Variants in ZMYM1 observed in about 807,000 individuals in gnomAD.
ZMYM1 encodes zinc finger MYM-type containing 1.
ZMYM1 carries 39 observed loss-of-function variants against 60.0 expected under a neutral mutation model. That is an observed-to-expected ratio of 0.65 (90% CI 0.50 to 0.85). The LOEUF (loss-of-function observed/expected upper bound fraction) is 0.85. ZMYM1 is among the 40% of genes least tolerant of loss of function. The pLI, the probability that ZMYM1 is intolerant of heterozygous loss-of-function variation, is 0.00. For missense variants in ZMYM1, 1,171 were observed against 1,309.5 expected, an observed-to-expected ratio of 0.89 and a Z score of 1.63; for synonymous variants, 413 against 454.0, an observed-to-expected ratio of 0.91 and a Z score of 1.15.
chr1:35,113,955 G>C lies in ZMYM1; in HGVS notation c.2125G>C (p.Asp709His), dbSNP rs375370629. The change falls in exon 10 of 10, where the codon GAT becomes CAT. Residue 709 changes from aspartate (D) to histidine (H), a missense_variant. Coordinates refer to ENST00000359858, the MANE Select transcript of ZMYM1 (RefSeq NM_024772.5). ...TCTGCAGCAAATTGGAGTTGATATG[G>C]ATAAAATACATGGCCAGGCCTATGA... ...TYLQQIGVDM[D>H]KIHGQAYDST... is the part of the protein sequence containing the mutation. The C allele has an allele frequency of 3.1e-6, 5 of 1,613,732 alleles. No individual in the cohort carries two copies. In the African/African-American group the frequency reaches 6.7e-5, roughly 22 times the overall value.
intron 9 of ZMYM1, 105 bp from the exon 10 acceptor site, chr1:35,112,872 T>G: frequency 1.9e-6 from 2 of 1,068,140 alleles, no homozygotes; most frequent in Non-Finnish European, 2.5e-6. Flanking sequence ...GAGCTCATAC[T>G]GTAACTCAGC....
intron 1 of ZMYM1, among the ~76,000 whole-genome samples, chr1:35,064,775 C>CTCCCGGGT (rs1368420575): frequency 6.7e-6 from 1 of 149,946 alleles, no homozygotes; most frequent in Admixed American, 6.6e-5. Flanking sequence ...CAAGCTCCAC[C>CTCCCGGGT]TCCCGGGTTC....
intron 7 of ZMYM1, among the ~76,000 whole-genome samples, chr1:35,110,697 A>T (rs924939031): frequency 1.3e-5 from 2 of 152,058 alleles, no homozygotes; most frequent in African/African-American, 4.8e-5. Context: ...TTGGGAGGCC[A>T]AAGTGGGCAG....
intron 6 of ZMYM1, 73 bp downstream of exon 6, chr1:35,104,842 G>A: frequency 8.0e-7 from 1 of 1,245,942 alleles, no homozygotes; most frequent in South Asian, 1.3e-5. Context: ...AATGTGGGAA[G>A]TAGTTTTTGG....
intron 1 of ZMYM1, among the ~76,000 whole-genome samples, chr1:35,091,577 G>A (rs1643004885): frequency 6.6e-6 from 1 of 152,046 alleles, no homozygotes; most frequent in Non-Finnish European, 1.5e-5. Context: ...GGGAAAAACA[G>A]CCCATAGGTG....
Position 35,060,882 on chromosome 1 carries a change from A to T in ZMYM1, c.-301+957A>T, listed in dbSNP as rs146526990. ...AAGGAGACTGGCCCTGGTGCTTGAA[A>T]CTCCTGTCCTAGCTCACACAGAGAG... is the stretch of plus-strand genomic sequence containing the variant. On this transcript the variant is annotated intron_variant, in intron 1 of 10. Transcript: ENST00000417119. Among the ~76,000 whole-genome samples the T allele has an allele frequency of 7.5e-3, 1,135 of 151,286 alleles. 7 individuals carry two copies. Among genetic ancestry groups the T allele is most frequent in the Middle Eastern group, 0.034 (10 of 294 alleles).
chr1:35,072,214 C>T lies in ZMYM1; in HGVS notation c.-300-6780C>T, dbSNP rs570564483. Among the ~76,000 whole-genome samples, 373 of 152,260 alleles carry T rather than the reference C, an allele frequency of 2.4e-3. 2 individuals carry two copies. Among genetic ancestry groups the T allele is most frequent in the Middle Eastern group, 6.8e-3 (2 of 292 alleles). On this transcript the variant is annotated intron_variant, in intron 1 of 10. Transcript: ENST00000417119. ...TTATGTTTTGGAGTTTTTTTGATGGCAGACTTTTTATTACAGTTTCAATTT... is the reference window on the plus strand; with the variant it reads ...TTATGTTTTGGAGTTTTTTTGATGGTAGACTTTTTATTACAGTTTCAATTT...
intron 1 of ZMYM1, among the ~76,000 whole-genome samples, chr1:35,072,082 C>T (rs1053790127): frequency 2.0e-5 from 3 of 151,998 alleles, no homozygotes; most frequent in Non-Finnish European, 2.9e-5. Flanking sequence ...TGCAGTGAGC[C>T]GAGATCACGC....
intron 9 of ZMYM1, 142 bp from the exon 10 acceptor site, chr1:35,112,835 C>A (rs535736026): frequency 8.8e-4 from 570 of 647,478 alleles, no homozygotes; most frequent in Non-Finnish European, 1.1e-3. Context: ...ATAAGTTATA[C>A]GTAATTGTTA....
chr1:35,070,006 G>A (rs896198165), intron 1 of ZMYM1, among the ~76,000 whole-genome samples: 2 of 152,154 alleles, frequency 1.3e-5, no homozygotes, highest in Non-Finnish European at 2.9e-5. Context: ...AGTATATTTT[G>A]AAGTCTGATA....
At chr1:35,064,604 G>A (rs1186719445) in intron 1 of ZMYM1, among the ~76,000 whole-genome samples, 1 of 150,910 alleles carries the variant, frequency 6.6e-6, no homozygotes, top group African/African-American at 2.4e-5. Flanking sequence ...ATTTTCCCTG[G>A]TCATAAAGAA....
intron 2 of ZMYM1, among the ~76,000 whole-genome samples, chr1:35,095,017 C>G (rs1189186382): frequency 2.6e-5 from 4 of 151,984 alleles, no homozygotes; most frequent in Non-Finnish European, 4.4e-5. Context: ...GTTGTTAACA[C>G]TGGGGAATGT....
At chr1:35,090,806 C>T (rs1202402964) in intron 1 of ZMYM1, among the ~76,000 whole-genome samples, 3 of 151,938 alleles carry the variant, frequency 2.0e-5, no homozygotes, top group Admixed American at 6.6e-5. Context: ...ATTAGCCAGG[C>T]GTGATGGCAC....
intron 6 of ZMYM1, among the ~76,000 whole-genome samples, chr1:35,107,694 G>T (rs1012271150): frequency 6.6e-6 from 1 of 152,102 alleles, no homozygotes; most frequent in Non-Finnish European, 1.5e-5. Context: ...TAAAAATGGG[G>T]TAGCTTTTTA....
Position 35,095,925 on chromosome 1 carries a change from C to G in ZMYM1, c.169+34C>G, listed in dbSNP as rs114331968. The G allele has an allele frequency of 3.7e-3, 5,359 of 1,430,272 alleles. 131 individuals carry two copies. The African/African-American group carries it at 0.052, about 14-fold the overall frequency. The allele number at this position is 1,430,272 out of a possible 1,614,324, so 88.6% of individuals were successfully genotyped here. On this transcript the variant is annotated intron_variant, in intron 3 of 9. Transcript: ENST00000359858. Reference sequence around the variant, plus strand: ...ATTATTTAAGTTAGTTATGTTTATTCAGACCAATACGACAGCTGATTCATT... The same window carrying G: ...ATTATTTAAGTTAGTTATGTTTATTGAGACCAATACGACAGCTGATTCATT...
At position 35,114,046 on chromosome 1, in the gene ZMYM1, G is replaced by T; in HGVS notation, c.2216G>T (p.Arg739Ile). The T allele has an allele frequency of 6.2e-7, 1 of 1,606,866 alleles. No individual in the cohort carries two copies. The highest frequency in any genetic ancestry group is 8.5e-7 in the Non-Finnish European group (1 of 1,178,286). The change falls in exon 10 of 10, where the codon AGA becomes ATA. Residue 739 changes from arginine (R) to isoleucine (I), a missense_variant. By Grantham distance (97) the Arg-to-Ile change is moderately conservative. Transcript: ENST00000359858. The part of the protein sequence containing the change: ...IAAEFKKEEP[R>I]ALYIHCYAHF... ...GCAGAATTCAAGAAAGAAGAACCAA[G>T]AGCTTTATACATACATTGTTATGCA...
intron 1 of ZMYM1, among the ~76,000 whole-genome samples, chr1:35,070,827 G>A (rs1470472381): frequency 6.6e-6 from 1 of 150,494 alleles, no homozygotes; most frequent in African/African-American, 2.4e-5. Context: ...TTTTAATCAT[G>A]AAGCGATGTT....
At chr1:35,096,913 C>A (rs764174607) in intron 3 of ZMYM1, among the ~76,000 whole-genome samples, 54 of 152,164 alleles carry the variant, frequency 3.5e-4, no homozygotes, top group Non-Finnish European at 6.5e-4. Context: ...GGGATGGTCT[C>A]AATCTCTTAA....
At chr1:35,109,278 C>G (rs899503113) in intron 6 of ZMYM1, among the ~76,000 whole-genome samples, 8 of 152,078 alleles carry the variant, frequency 5.3e-5, no homozygotes, top group Non-Finnish European at 7.4e-5. Context: ...GTGATCCCCC[C>G]GCCTCAACCT....
Sources: allele counts gnomAD v4.1 joint callset (sites outside exome capture counted in the v4.1 genomes callset), GRCh38; gene constraint gnomAD v4.1.1; transcripts MANE v1.5; gene names NCBI Gene and HGNC (gene_info 2026-07-23, HGNC 2026-07-21).